The following ANKRD30BL variants were observed in gnomAD, a reference collection of about 807,000 sequenced individuals.
The protein encoded by ANKRD30BL is putative ankyrin repeat domain-containing protein 30B-like.
A neutral mutation model predicts 18.4 loss-of-function variants in ANKRD30BL; 20 were observed. That is an observed-to-expected ratio of 1.09 (90% CI 0.77 to 1.58). ANKRD30BL has a LOEUF of 1.58. ANKRD30BL is among the 40% of genes most tolerant of loss of function. The pLI is 0.00. For missense variants in ANKRD30BL, 224 were observed against 268.6 expected, an observed-to-expected ratio of 0.83 and a Z score of 1.16; for synonymous variants, 72 against 100.9, an observed-to-expected ratio of 0.71 and a Z score of 1.72.
intron 1 of ANKRD30BL, among the ~76,000 whole-genome samples, chr2:132,159,740 GTTTAA>G (rs1191738412): frequency 2.0e-5 from 3 of 152,006 alleles, no homozygotes; most frequent in Non-Finnish European, 2.9e-5. Context: ...TCTCATTACA[GTTTAA>G]TTTAATTTTG....
upstream of ANKRD30BL, among the ~76,000 whole-genome samples, chr2:132,165,291 C>T (rs1344946021): frequency 1.3e-5 from 2 of 149,998 alleles, no homozygotes; most frequent in African/African-American, 4.9e-5. Flanking sequence ...ATTATGAGAC[C>T]TCTTGGTTTC....
At position 132,154,724 on chromosome 2, in the gene ANKRD30BL, C is replaced by G; in HGVS notation, c.552G>C (p.Glu184Asp). 1 of 734,098 alleles carries G rather than the reference C, an allele frequency of 1.4e-6. No homozygotes were observed. The highest frequency in any genetic ancestry group is 2.5e-6 in the Non-Finnish European group (1 of 392,622). The allele number at this position is 734,098 out of a possible 1,614,324, so 45.5% of individuals were successfully genotyped here. The change falls in exon 4 of 6, where the codon GAG becomes GAC. Residue 184 changes from glutamate to aspartate, a missense_variant. By Grantham distance (45) the Glu-to-Asp change is conservative. Around this residue, in one of 3 missense-constraint regions of ANKRD30BL, gnomAD observed 63 missense variants for 62.3 expected, o/e 1.01. Coordinates refer to ENST00000409867, the MANE Select transcript of ANKRD30BL (RefSeq NM_001358416.1). ...PLLLAIRKRS[E>D]EIVEFLLTKN... ...TTGTCAGTAAAAATTCCACAATTTCCTCACTTCTTTTCCTTATGGCCAGTA... is the reference window on the plus strand; with the variant it reads ...TTGTCAGTAAAAATTCCACAATTTCGTCACTTCTTTTCCTTATGGCCAGTA...
At chr2:132,163,634 C>A (rs1379630277), upstream of ANKRD30BL, among the ~76,000 whole-genome samples, 3 of 152,146 alleles carry the variant, frequency 2.0e-5, no homozygotes, top group East Asian at 5.8e-4. Flanking sequence ...ACCCACAGAG[C>A]CCTCTGATTA....
Position 132,194,057 on chromosome 2 carries a change from A to T in ANKRD30BL, n.442-36911T>A, listed in dbSNP as rs61181981. 6.5e-3 allele frequency among the ~76,000 whole-genome samples: 346 copies of T among 53,324 alleles called. 2 individuals are homozygous for T. The highest frequency in any genetic ancestry group is 0.051 in the East Asian group (160 of 3,160). The allele number at this position is 53,324 out of a possible 152,430, so 35.0% of individuals were successfully genotyped here. A position where few individuals can be genotyped will look rare whatever the true frequency, so the allele number is the denominator to read the frequency against. The stretch of plus-strand genomic sequence containing the variant: ...TTCTCTCTCTCTCTCTCTCTCTCTC[A>T]CACACACACACACACACTCACACAC... On this transcript the variant is annotated intron_variant and non_coding_transcript_variant, in intron 1 of 4. Coordinates refer to the ANKRD30BL transcript ENST00000470729.
intron 1 of ANKRD30BL, among the ~76,000 whole-genome samples, chr2:132,212,826 A>G (rs1679393488): frequency 6.6e-6 from 1 of 151,956 alleles, no homozygotes; most frequent in African/African-American, 2.4e-5. Context: ...AAAACTAGAC[A>G]GAAGCATTCT....
At chr2:132,225,385 C>T (rs559745604) in intron 1 of ANKRD30BL, among the ~76,000 whole-genome samples, 27 of 151,868 alleles carry the variant, frequency 1.8e-4, no homozygotes, top group Admixed American at 5.9e-4. Context: ...CTTAAACTCA[C>T]GGAGTTGAAC....
At chr2:132,255,793 G>A (rs1429099334) in intron 1 of ANKRD30BL, among the ~76,000 whole-genome samples, 5 of 152,102 alleles carry the variant, frequency 3.3e-5, no homozygotes, top group Non-Finnish European at 7.3e-5. Context: ...CCTGTCACCC[G>A]TGGTCACCAT....
intron 1 of ANKRD30BL, among the ~76,000 whole-genome samples, chr2:132,196,207 A>G (rs1293047647): frequency 6.6e-6 from 1 of 152,122 alleles, no homozygotes; most frequent in Non-Finnish European, 1.5e-5. Context: ...GGCCAGGCAT[A>G]GTGGCTTACG....
chr2:132,219,253 C>G (rs1453218516), intron 1 of ANKRD30BL, among the ~76,000 whole-genome samples: 3 of 151,376 alleles, frequency 2.0e-5, no homozygotes, highest in African/African-American at 7.3e-5. Flanking sequence ...ACACTCTTTT[C>G]ACAGGATCTG....
At chr2:132,187,183 T>C (rs1310323894) in intron 1 of ANKRD30BL, among the ~76,000 whole-genome samples, 2 of 138,250 alleles carry the variant, frequency 1.4e-5, no homozygotes, top group African/African-American at 5.9e-5. Context: ...TTTTTTTTTT[T>C]GTTTGTTTTT....
At position 132,157,360 on chromosome 2, in the gene ANKRD30BL, T is replaced by C; in HGVS notation, c.282A>G (p.Arg94=). 3 of 750,082 alleles carry C rather than the reference T, an allele frequency of 4.0e-6. No homozygotes were observed. The East Asian group carries it at 7.6e-5, about 19-fold the overall frequency. 46.5% of individuals were successfully genotyped at this position (750,082 alleles called of 1,614,324 possible). ...HAEVVTLLVD[R]KCQLDVLDGE... is the part of the protein sequence containing the mutation. The stretch of plus-strand genomic sequence containing the variant: ...CATCAAGGACGTCAAGCTGACACTT[T>C]CTATCTACCAGAAGTGTTACTACTT... The change falls in exon 2 of 6, where the codon AGA becomes AGG. Residue 94 remains arginine, a synonymous_variant. Transcript: ENST00000409867.
At position 132,168,559 on chromosome 2, in the gene ANKRD30BL, C is replaced by T. The variant is rs1688225545; in HGVS notation, n.442-11413G>A. Among the ~76,000 whole-genome samples the T allele has an allele frequency of 2.0e-5, 3 of 152,084 alleles. No homozygotes were observed. In the South Asian group the frequency reaches 6.2e-4, roughly 32 times the overall value. On this transcript the variant is annotated intron_variant and non_coding_transcript_variant, in intron 1 of 4. Transcript: ENST00000470729. ...ATCTGTGAAATCTAAAAAATTTAAACTCATTAGATATTAGGGATTAGAAGG... is the reference window on the plus strand; with the variant it reads ...ATCTGTGAAATCTAAAAAATTTAAATTCATTAGATATTAGGGATTAGAAGG...
At chr2:132,244,993 C>T (rs1485072546) in intron 1 of ANKRD30BL, among the ~76,000 whole-genome samples, 1 of 144,488 alleles carries the variant, frequency 6.9e-6, no homozygotes, top group Non-Finnish European at 1.5e-5. Flanking sequence ...ACTCAACTCA[C>T]AGAGCTAAAA....
At chr2:132,214,004 C>CA (rs1679424402) in intron 1 of ANKRD30BL, among the ~76,000 whole-genome samples, 1 of 151,948 alleles carries the variant, frequency 6.6e-6, no homozygotes, top group Non-Finnish European at 1.5e-5. Flanking sequence ...AAAAACTAGA[C>CA]AGAAGCATTC....
intron 1 of ANKRD30BL, among the ~76,000 whole-genome samples, chr2:132,161,246 AG>A (rs1425006903): frequency 6.6e-6 from 1 of 152,088 alleles, no homozygotes; most frequent in Non-Finnish European, 1.5e-5. Context: ...AAGCAGCTAA[AG>A]TTTGGGGTTG....
chr2:132,201,434 C>T (rs1275463300), intron 1 of ANKRD30BL, among the ~76,000 whole-genome samples: 1 of 151,930 alleles, frequency 6.6e-6, no homozygotes, highest in Admixed American at 6.6e-5. Context: ...ACAATGAACT[C>T]AAACAAATTT....
At chr2:132,165,332 C>CTA (rs1213796720), upstream of ANKRD30BL, among the ~76,000 whole-genome samples, 7 of 150,160 alleles carry the variant, frequency 4.7e-5, no homozygotes, top group Admixed American at 3.3e-4. Context: ...AACAAAGCTG[C>CTA]TATATATATA....
At chr2:132,225,610 C>A (rs138599517) in intron 1 of ANKRD30BL, among the ~76,000 whole-genome samples, 1 of 151,984 alleles carries the variant, frequency 6.6e-6, no homozygotes, top group Admixed American at 6.6e-5. Flanking sequence ...TTTGTAGAGT[C>A]TACAAGTGGA....
intron 1 of ANKRD30BL, among the ~76,000 whole-genome samples, chr2:132,251,801 C>T (rs906498181): frequency 2.0e-5 from 3 of 152,266 alleles, no homozygotes; most frequent in African/African-American, 7.2e-5. Context: ...CTCTTTCTCT[C>T]TGTTTTCCAT....
Sources: allele counts gnomAD v4.1 joint callset (sites outside exome capture counted in the v4.1 genomes callset), GRCh38; gene constraint gnomAD v4.1.1; regional missense constraint gnomAD v4.1.1; transcripts MANE v1.5; gene names NCBI Gene and HGNC (gene_info 2026-07-23, HGNC 2026-07-21).